Variants in PBX1 observed in about 807,000 individuals in gnomAD.
PBX1 encodes the protein pre-B-cell leukemia transcription factor 1.
A neutral mutation model predicts 53.4 loss-of-function variants in PBX1; 6 were observed. The observed-to-expected ratio is 0.11, with a 90% CI of 0.06 to 0.22. The LOEUF is 0.22. PBX1 is among the 10% of genes least tolerant of loss of function. The pLI, the probability that PBX1 is intolerant of heterozygous loss-of-function variation, is 1.00. For synonymous variants in PBX1, 204 were observed against 212.3 expected (o/e 0.96, Z 0.34); for missense variants, 251 against 551.4 (o/e 0.46, Z 5.46).
At chr1:164,795,107 A>G (rs893072573) in intron 3 of PBX1, among the ~76,000 whole-genome samples, 1 of 152,210 alleles carries the variant, frequency 6.6e-6, no homozygotes, top group Non-Finnish European at 1.5e-5. Context: ...CCTCAAGGCA[A>G]TTTTGAGATT....
At chr1:164,589,227 G>C (rs1054963334) in intron 2 of PBX1, among the ~76,000 whole-genome samples, 6 of 152,054 alleles carry the variant, frequency 3.9e-5, no homozygotes, top group Non-Finnish European at 7.4e-5. Flanking sequence ...AGGAGGAGGG[G>C]GGCGCGGCTG....
At chr1:164,707,233 A>G (rs1243305962) in intron 2 of PBX1, among the ~76,000 whole-genome samples, 1 of 152,188 alleles carries the variant, frequency 6.6e-6, no homozygotes, top group Non-Finnish European at 1.5e-5. Context: ...AATCTTCCCA[A>G]GGTTTTAACG....
At chr1:164,723,041 C>G (rs1664494031) in intron 2 of PBX1, among the ~76,000 whole-genome samples, 1 of 152,076 alleles carries the variant, frequency 6.6e-6, no homozygotes, top group South Asian at 2.1e-4. Context: ...TGGAAAGGAG[C>G]TTTAGAGATT....
intron 2 of PBX1, among the ~76,000 whole-genome samples, chr1:164,624,532 C>T (rs1339683074): frequency 6.6e-6 from 1 of 152,166 alleles, no homozygotes; most frequent in Non-Finnish European, 1.5e-5. Flanking sequence ...GCCACGGACC[C>T]TGAGGGAGCC....
intron 2 of PBX1, among the ~76,000 whole-genome samples, chr1:164,790,245 C>T (rs928462317): frequency 6.6e-6 from 1 of 152,080 alleles, no homozygotes; most frequent in Non-Finnish European, 1.5e-5. Context: ...ATTTAAGAAA[C>T]AATAACGTGA....
intron 2 of PBX1, among the ~76,000 whole-genome samples, chr1:164,690,271 TCAGA>T (rs111500653): frequency 2.0e-5 from 3 of 152,000 alleles, no homozygotes; most frequent in Admixed American, 6.6e-5. Context: ...AGAAAGCGGA[TCAGA>T]CAGACAGACT....
At chr1:164,792,844 T>A in intron 3 of PBX1, 106 bp downstream of exon 3, 1 of 846,982 alleles carries the variant, frequency 1.2e-6, no homozygotes, top group Non-Finnish European at 1.8e-6. Flanking sequence ...TCCCAGGTGC[T>A]GGCATCCCTG....
chr1:164,763,969 T>C lies in PBX1; in HGVS notation c.266-28525T>C, dbSNP rs1226703074. Among the ~76,000 whole-genome samples the C allele has an allele frequency of 2.0e-5, 3 of 152,198 alleles. No homozygotes were observed. In the East Asian group the frequency reaches 5.8e-4, roughly 29 times the overall value. On this transcript the variant is annotated intron_variant, in intron 2 of 8. Coordinates refer to ENST00000420696, the MANE Select transcript of PBX1 (RefSeq NM_002585.4). ...AACTTTAATAGAATGGTTTATAGGA[T>C]TGTGGAGATTTATAGGATCAATTCC...
chr1:164,603,928 C>CTTT (rs1557885817), intron 2 of PBX1, among the ~76,000 whole-genome samples: 16 of 48,730 alleles, frequency 3.3e-4, no homozygotes, highest in East Asian at 2.9e-3. Context: ...TATGTCATTT[C>CTTT]ATTTTTTTTT....
chr1:164,776,189 C>T (rs1024431890), intron 2 of PBX1, among the ~76,000 whole-genome samples: 17 of 152,078 alleles, frequency 1.1e-4, no homozygotes, highest in Admixed American at 2.6e-4. Context: ...ATTGAATGCG[C>T]GGTATAAATT....
At chr1:164,770,647 TCTAA>T (rs1261836903) in intron 2 of PBX1, 3 of 152,228 alleles carry the variant, frequency 2.0e-5, no homozygotes, top group East Asian at 1.9e-4. Flanking sequence ...CATCACCGTC[TCTAA>T]CTGTTTGTAC....
chr1:164,778,867 G>A (rs1344819622), intron 2 of PBX1, among the ~76,000 whole-genome samples: 2 of 152,034 alleles, frequency 1.3e-5, no homozygotes, highest in Non-Finnish European at 2.9e-5. Flanking sequence ...TATCAACCTT[G>A]CTACAATTGG....
intron 2 of PBX1, among the ~76,000 whole-genome samples, chr1:164,620,376 A>G (rs142887345): frequency 7.1e-4 from 108 of 152,302 alleles, no homozygotes; most frequent in African/African-American, 2.3e-3. Context: ...TCTAATTTTT[A>G]TATGCATTGA....
intron 2 of PBX1, among the ~76,000 whole-genome samples, chr1:164,694,813 T>A (rs563590345): frequency 6.6e-6 from 1 of 152,214 alleles, no homozygotes; most frequent in Non-Finnish European, 1.5e-5. Context: ...CTAAACACAT[T>A]CTAACTATTT....
intron 2 of PBX1, among the ~76,000 whole-genome samples, chr1:164,720,885 A>AC (rs1309953245): frequency 1.3e-5 from 2 of 152,112 alleles, no homozygotes; most frequent in Non-Finnish European, 2.9e-5. Context: ...ACTGTGGTTG[A>AC]CTTAGGGTTT....
At position 164,824,670 on chromosome 1, in the gene PBX1, C is replaced by T. The variant is rs531497003; in HGVS notation, c.1200+3044C>T. Among the ~76,000 whole-genome samples the T allele has an allele frequency of 2.0e-5, 3 of 152,178 alleles. No individual in the cohort carries two copies. The South Asian group carries it at 6.2e-4, about 32-fold the overall frequency. On this transcript the variant is annotated intron_variant, in intron 8 of 8. Coordinates refer to ENST00000420696, the MANE Select transcript of PBX1 (RefSeq NM_002585.4). ...GTGTTATGCAAGGCCTAAAGACCCC[C>T]TTCCTTAGCCATGGTGAGAGTTAAA... is the stretch of plus-strand genomic sequence containing the variant.
intron 2 of PBX1, among the ~76,000 whole-genome samples, chr1:164,650,198 TCTG>T (rs1659714029): frequency 6.6e-6 from 1 of 151,718 alleles, no homozygotes; most frequent in Non-Finnish European, 1.5e-5. Context: ...CTCTTAGGCA[TCTG>T]GTGTAAAGAG....
intron 2 of PBX1, among the ~76,000 whole-genome samples, chr1:164,627,979 A>G (rs762736557): frequency 9.2e-5 from 14 of 152,216 alleles, no homozygotes; most frequent in Admixed American, 5.2e-4. Flanking sequence ...CCAAGAATGG[A>G]TCTTTCTGTA....
intron 2 of PBX1, among the ~76,000 whole-genome samples, chr1:164,579,818 TCTC>T (rs923166356): frequency 5.9e-5 from 9 of 152,076 alleles, no homozygotes; most frequent in Admixed American, 4.6e-4. Flanking sequence ...AGCCCAGAAT[TCTC>T]CTGTTCATAT....
Sources: gnomAD v4.1 joint callset for allele counts (sites outside exome capture counted in the v4.1 genomes callset) on GRCh38, gnomAD v4.1.1 for gene constraint, MANE v1.5 for transcripts, NCBI Gene and HGNC (gene_info 2026-07-23, HGNC 2026-07-21) for gene names.